LRRC9: variants seen among roughly 807,000 people sequenced by gnomAD.
LRRC9 encodes leucine-rich repeat-containing protein 9.
LRRC9 carries 122 observed loss-of-function variants against 63.2 expected under a neutral mutation model. The observed-to-expected ratio is 1.93, with a 90% CI of 1.67 to 2.24. LRRC9 has a LOEUF of 2.24. Ranked by LOEUF, LRRC9 falls within the 30% of genes most tolerant of loss-of-function variation. The probability of loss-of-function intolerance (pLI) is 0.00; values close to 1 mark genes in which losing one functional copy is unlikely to be tolerated. For missense variants in LRRC9, 1,071 were observed against 627.7 expected, an observed-to-expected ratio of 1.71 and a Z score of -7.55; for synonymous variants, 366 against 213.1, an observed-to-expected ratio of 1.72 and a Z score of -6.25.
intron 19 of LRRC9, 147 bp from the exon 20 acceptor site, chr14:60,001,819 G>T: frequency 2.3e-6 from 1 of 433,050 alleles, no homozygotes; most frequent in Non-Finnish European, 4.1e-6. Flanking sequence ...TCTAGATATT[G>T]AAAACAATTT....
In LRRC9 at chr14:60,042,696, C is replaced by G. The variant is rs1273904469; in HGVS notation, c.3991-10369C>G. Among the ~76,000 whole-genome samples, 2 of 152,140 alleles carry G rather than the reference C, an allele frequency of 1.3e-5. No homozygotes were observed. The highest frequency in any genetic ancestry group is 1.9e-4 in the East Asian group (1 of 5,196). ...GGGAATTTCCCCACCCTTTGCACTT[C>G]CCGGGTGAGGCAATGCCCTGTCCTG... On this transcript the variant is annotated intron_variant, in intron 29 of 31. Coordinates refer to ENST00000445360, the Ensembl canonical transcript of LRRC9. This position sits in a 1 kb window ranked among gnomAD's most constrained non-coding sequence, Gnocchi z 4.2.
intron 17 of LRRC9, among the ~76,000 whole-genome samples, chr14:59,992,733 T>A (rs1566854491): frequency 6.6e-6 from 1 of 151,722 alleles, no homozygotes; most frequent in Non-Finnish European, 1.5e-5. Context: ...ATGAATGAAA[T>A]GAAGCGAGAA....
chr14:59,972,774 G>T lies in LRRC9; in HGVS notation c.1507-1802G>T, dbSNP rs534984781. ...TGGGAACAAAATTAACTGACTCTTG[G>T]TAAGCATACAACACAACTGGATACA... On this transcript the variant is annotated intron_variant, in intron 12 of 31. Transcript: ENST00000445360. Among the ~76,000 whole-genome samples, 5 of 152,130 alleles carry T rather than the reference G, an allele frequency of 3.3e-5. No homozygotes were observed. In the South Asian group the frequency reaches 1.0e-3, roughly 32 times the overall value.
chr14:60,023,441 G>A (rs964405899), intron 27 of LRRC9, among the ~76,000 whole-genome samples: 4 of 151,964 alleles, frequency 2.6e-5, no homozygotes, highest in African/African-American at 9.7e-5. Flanking sequence ...TTTGCAAGCA[G>A]GGGGAGGAGG....
At chr14:59,980,686 T>C (rs980132612) in intron 15 of LRRC9, among the ~76,000 whole-genome samples, 24 of 152,228 alleles carry the variant, frequency 1.6e-4, no homozygotes, top group Admixed American at 1.6e-3. Flanking sequence ...TATATAGGTC[T>C]CCAACATTTC....
intron 15 of LRRC9, among the ~76,000 whole-genome samples, 153 bp from the exon 16 acceptor site, chr14:59,981,695 T>C (rs1384440818): frequency 2.0e-5 from 3 of 152,238 alleles, no homozygotes; most frequent in Admixed American, 6.5e-5. Flanking sequence ...ACAATTTTAA[T>C]CTGCTCTCAT....
In LRRC9 at chr14:60,031,867, C is replaced by A; in HGVS notation, c.3922-128C>A. Reference sequence around the variant, plus strand: ...AGAATACAGAATACTGTCACTCAAGCTCACTTCAGAGAATTCAATCATGAG... The same window carrying A: ...AGAATACAGAATACTGTCACTCAAGATCACTTCAGAGAATTCAATCATGAG... On this transcript the variant is annotated intron_variant, in intron 28 of 31. Coordinates refer to ENST00000445360, the Ensembl canonical transcript of LRRC9. This position sits in a 1 kb window ranked among gnomAD's most constrained non-coding sequence, Gnocchi z 4.6. 1.7e-6 allele frequency: 1 copy of A among 595,612 alleles called. No individual in the cohort carries two copies. Among genetic ancestry groups the A allele is most frequent in the Admixed American group, 2.8e-5 (1 of 35,646 alleles). 36.9% of individuals were successfully genotyped at this position (595,612 alleles called of 1,614,324 possible).
At chr14:59,945,192 A>G (rs1167868352) in intron 8 of LRRC9, among the ~76,000 whole-genome samples, 1 of 151,900 alleles carries the variant, frequency 6.6e-6, no homozygotes, top group Non-Finnish European at 1.5e-5. Flanking sequence ...TATACAACAA[A>G]GTGGGAACTT....
chr14:59,944,782 TTAAGAAAACCGTTAGA>T (rs967769298), intron 8 of LRRC9, 38 bp downstream of exon 8: 3 of 608,828 alleles, frequency 4.9e-6, no homozygotes, highest in Non-Finnish European at 8.6e-6. Flanking sequence ...TGGCCATACC[TTAAGAAAACCGTTAGA>T]TAAGATAGCA....
intron 8 of LRRC9, among the ~76,000 whole-genome samples, chr14:59,955,155 CATAAA>C (rs1883598969): frequency 6.6e-6 from 1 of 152,158 alleles, no homozygotes; most frequent in African/African-American, 2.4e-5. Flanking sequence ...ATGCTGGCCT[CATAAA>C]ATGAGTTAGG....
At chr14:59,961,096 G>T in intron 10 of LRRC9, 51 bp downstream of exon 10, 1 of 531,644 alleles carries the variant, frequency 1.9e-6, no homozygotes, top group East Asian at 3.2e-5. Flanking sequence ...TAAGTACTTA[G>T]GATCATCAAC....
intron 22 of LRRC9, among the ~76,000 whole-genome samples, chr14:60,007,458 AAT>A (rs1889905433): frequency 6.6e-6 from 1 of 152,194 alleles, no homozygotes; most frequent in Non-Finnish European, 1.5e-5. Context: ...TGTCTTGTCT[AAT>A]AAAACAGCAC....
chr14:59,949,135 G>A (rs1397331866), intron 8 of LRRC9, among the ~76,000 whole-genome samples: 2 of 131,596 alleles, frequency 1.5e-5, no homozygotes, highest in East Asian at 4.8e-4. Context: ...AATCCATCTG[G>A]TCCTGGACTC....
At chr14:60,007,322 C>T (rs1196650773) in intron 22 of LRRC9, among the ~76,000 whole-genome samples, 2 of 152,150 alleles carry the variant, frequency 1.3e-5, no homozygotes, top group Non-Finnish European at 2.9e-5. Context: ...CACAATAAGC[C>T]ATTTCACATT....
At chr14:59,937,504 G>T (rs1881164537) in intron 6 of LRRC9, among the ~76,000 whole-genome samples, 1 of 152,076 alleles carries the variant, frequency 6.6e-6, no homozygotes, top group East Asian at 1.9e-4. Flanking sequence ...ACACTGGGTT[G>T]GGCTCTGACA....
At chr14:59,939,921 G>A (rs1452007465) in intron 7 of LRRC9, among the ~76,000 whole-genome samples, 1 of 152,002 alleles carries the variant, frequency 6.6e-6, no homozygotes, top group Non-Finnish European at 1.5e-5. Flanking sequence ...ATTAAAATAT[G>A]AGAATTGAAA....
intron 15 of LRRC9, among the ~76,000 whole-genome samples, chr14:59,979,094 C>A (rs889241281): frequency 7.2e-5 from 11 of 152,102 alleles, no homozygotes; most frequent in Admixed American, 5.9e-4. Flanking sequence ...AAAATCCTTA[C>A]ATACATTCTG....
chr14:60,011,242 C>T (rs1828058963), intron 23 of LRRC9, among the ~76,000 whole-genome samples: 1 of 152,144 alleles, frequency 6.6e-6, no homozygotes, highest in African/African-American at 2.4e-5. Context: ...GGCAAGACAG[C>T]ATGTGCACGG....
intron 3 of LRRC9, 148 bp downstream of exon 3, chr14:59,928,634 AT>A (rs1395488126): frequency 2.4e-6 from 1 of 420,320 alleles, no homozygotes; most frequent in African/African-American, 2.0e-5. Flanking sequence ...AAAGGAAAAA[AT>A]AAAAATAAGG....
Sources: allele counts gnomAD v4.1 joint callset (sites outside exome capture counted in the v4.1 genomes callset), GRCh38; gene constraint gnomAD v4.1.1; non-coding constraint Gnocchi (gnomAD v3.1); transcripts MANE v1.5; gene names NCBI Gene and HGNC (gene_info 2026-07-23, HGNC 2026-07-21).